Variants in ZNF420 observed in about 807,000 individuals in gnomAD.
ZNF420 encodes the protein zinc finger protein 420, also known as ATM and p53-associated KZNF protein.
In ZNF420, 31 loss-of-function variants were observed where a neutral mutation model predicts 44.7. The ratio of observed to expected loss-of-function variants is 0.69; its 90% CI spans 0.52 to 0.94. The LOEUF is 0.94. ZNF420 is among the 40% of genes least tolerant of loss of function. The probability of loss-of-function intolerance (pLI) is 0.00; values close to 1 mark genes in which losing one functional copy is unlikely to be tolerated. For synonymous variants in ZNF420, 245 were observed against 267.4 expected, an observed-to-expected ratio of 0.92 and a Z score of 0.82; for missense variants, 681 against 827.9, an observed-to-expected ratio of 0.82 and a Z score of 2.18.
intron 4 of ZNF420, 77 bp from the exon 5 acceptor site, chr19:37,127,051 G>A (rs1599732050): frequency 8.1e-7 from 1 of 1,230,506 alleles, no homozygotes. Context: ...TATTTCTTAT[G>A]GGCATTATTT....
intron 1 of ZNF420, among the ~76,000 whole-genome samples, chr19:37,024,698 C>G (rs1032834961): frequency 7.2e-5 from 11 of 152,156 alleles, no homozygotes; most frequent in Non-Finnish European, 1.3e-4. Context: ...GATCCACCCA[C>G]CTTGGCCTCC....
rs571294112 is a variant in ZNF420 at position 37,102,782 on chromosome 19, G to C, written c.136+11661G>C. ...TACCTCCTATTTCTGCCATCTTGCT[G>C]ACGTCACTCCCATAATCTCTCATAA... On this transcript the variant is annotated intron_variant, in intron 4 of 4. Transcript: ENST00000337995. Among the ~76,000 whole-genome samples the C allele has an allele frequency of 2.0e-5, 3 of 152,270 alleles. No individual in the cohort carries two copies. The South Asian group carries it at 6.2e-4, about 32-fold the overall frequency.
Position 37,092,829 on chromosome 19 carries a change from T to C in ZNF420, c.136+1708T>C, listed in dbSNP as rs117405567. 6.2e-3 allele frequency among the ~76,000 whole-genome samples: 943 copies of C among 152,232 alleles called. 28 individuals are homozygous for C. The highest frequency in any genetic ancestry group is 0.05 in the East Asian group (258 of 5,174). On this transcript the variant is annotated intron_variant, in intron 4 of 4. Coordinates refer to ENST00000337995, the MANE Select transcript of ZNF420 (RefSeq NM_144689.5). ...AAGATTTGAAGGCAGAAGTGCACTATATCTTGATATTCACAATAGCCAAAA... is the reference window on the plus strand; with the variant it reads ...AAGATTTGAAGGCAGAAGTGCACTACATCTTGATATTCACAATAGCCAAAA...
intron 2 of ZNF420, among the ~76,000 whole-genome samples, chr19:37,086,095 C>T (rs999399581): frequency 1.3e-5 from 2 of 151,900 alleles, no homozygotes; most frequent in Non-Finnish European, 2.9e-5. Flanking sequence ...CATGAGCCAC[C>T]GTGCCCAGCC....
At chr19:37,038,983 T>C (rs1967406176) in intron 1 of ZNF420, among the ~76,000 whole-genome samples, 1 of 133,558 alleles carries the variant, frequency 7.5e-6, no homozygotes, top group Non-Finnish European at 1.7e-5. Flanking sequence ...TGAAACTCTG[T>C]CTCAAAAAAA....
intron 4 of ZNF420, 74 bp from the exon 5 acceptor site, chr19:37,127,054 C>CA: frequency 8.0e-7 from 1 of 1,247,392 alleles, no homozygotes. Context: ...TTCTTATGGG[C>CA]ATTATTTTCC....
intron 1 of ZNF420, among the ~76,000 whole-genome samples, chr19:37,043,728 C>T (rs774798134): frequency 9.2e-5 from 14 of 152,150 alleles, no homozygotes; most frequent in Non-Finnish European, 1.8e-4. Flanking sequence ...TGGCCTCAAC[C>T]TCCTGAAGTG....
At chr19:37,074,202 A>AT (rs1439399550), upstream of ZNF420, among the ~76,000 whole-genome samples, 2 of 152,216 alleles carry the variant, frequency 1.3e-5, no homozygotes, top group Admixed American at 6.5e-5. Context: ...AAAAAAAGGT[A>AT]TTTTTTTACC....
At chr19:37,019,868 T>G (rs536315726) in intron 1 of ZNF420, among the ~76,000 whole-genome samples, 1 of 152,138 alleles carries the variant, frequency 6.6e-6, no homozygotes, top group South Asian at 2.1e-4. Flanking sequence ...AAGAGATATT[T>G]GTACACCCAC....
chr19:37,123,019 G>C (rs1299084809), intron 4 of ZNF420, among the ~76,000 whole-genome samples: 3 of 152,144 alleles, frequency 2.0e-5, no homozygotes, highest in African/African-American at 7.2e-5. Flanking sequence ...TCAGTAAGTA[G>C]CACTTCCATT....
chr19:37,011,015 G>A (rs1402479737), intron 1 of ZNF420, among the ~76,000 whole-genome samples: 2 of 152,192 alleles, frequency 1.3e-5, no homozygotes, highest in East Asian at 3.9e-4. Flanking sequence ...CTCTGGACAA[G>A]TCACCTGTTT....
At chr19:37,116,616 G>A (rs1970705021) in intron 4 of ZNF420, among the ~76,000 whole-genome samples, 1 of 152,086 alleles carries the variant, frequency 6.6e-6, no homozygotes, top group Non-Finnish European at 1.5e-5. Flanking sequence ...GCAGGACAGT[G>A]GGTGCAGCAC....
intron 4 of ZNF420, among the ~76,000 whole-genome samples, chr19:37,115,390 C>T (rs1599708204): frequency 6.6e-6 from 1 of 152,080 alleles, no homozygotes; most frequent in East Asian, 1.9e-4. Context: ...ATCATTATCT[C>T]TACCATCTTG....
At chr19:37,025,854 G>A (rs2146390260) in intron 1 of ZNF420, among the ~76,000 whole-genome samples, 1 of 148,224 alleles carries the variant, frequency 6.7e-6, no homozygotes, top group South Asian at 2.1e-4. Context: ...ACTGCTCACT[G>A]CAGCCTCGAC....
chr19:37,053,800 G>A (rs1477983701), intron 1 of ZNF420, among the ~76,000 whole-genome samples: 4 of 152,172 alleles, frequency 2.6e-5, no homozygotes, highest in Non-Finnish European at 2.9e-5. Context: ...TAGGCTTCTC[G>A]GGGGTCAGGG....
intron 1 of ZNF420, among the ~76,000 whole-genome samples, chr19:37,021,952 A>G (rs1417427587): frequency 1.3e-5 from 2 of 149,278 alleles, no homozygotes; most frequent in Admixed American, 6.7e-5. Context: ...AAAAAAAAAA[A>G]AAAAAAAAAA....
chr19:37,025,634 G>A (rs8104296), intron 1 of ZNF420, among the ~76,000 whole-genome samples: 49,590 of 151,652 alleles, frequency 0.33, 8,358 homozygotes, highest in Non-Finnish European at 0.35. Context: ...TAGTGAGATG[G>A]GGAAACAGAG....
chr19:37,124,134 C>A (rs1410906656), intron 4 of ZNF420, among the ~76,000 whole-genome samples: 1 of 152,152 alleles, frequency 6.6e-6, no homozygotes, highest in East Asian at 1.9e-4. Flanking sequence ...AAACTACTCA[C>A]CAAATTCCAT....
intron 2 of ZNF420, among the ~76,000 whole-genome samples, chr19:37,087,305 A>G (rs1968869966): frequency 7.1e-6 from 1 of 141,312 alleles, no homozygotes; most frequent in South Asian, 2.1e-4. Context: ...AAATAAATAA[A>G]TAAATAAATA....
Sources: gnomAD v4.1 joint callset for allele counts (sites outside exome capture counted in the v4.1 genomes callset) on GRCh38, gnomAD v4.1.1 for gene constraint, MANE v1.5 for transcripts, NCBI Gene and HGNC (gene_info 2026-07-23, HGNC 2026-07-21) for gene names.